Variants in ZNF727 observed in about 807,000 individuals in gnomAD.
The protein encoded by ZNF727 is putative zinc finger protein 727.
A neutral mutation model predicts 11.5 loss-of-function variants in ZNF727; 11 were observed. That is an observed-to-expected ratio of 0.95 (90% confidence interval 0.60 to 1.58). The LOEUF (loss-of-function observed/expected upper bound fraction) is 1.58. ZNF727 is among the 40% of genes most tolerant of loss of function. The probability of loss-of-function intolerance (pLI) is 0.00; values close to 1 mark genes in which losing one functional copy is unlikely to be tolerated. For synonymous variants in ZNF727, 171 were observed against 196.1 expected (o/e 0.87, Z 1.07); for missense variants, 533 against 581.7 (o/e 0.92, Z 0.86).
chr7:64,078,034 C>T lies in ZNF727; in HGVS notation c.985C>T (p.Gln329Ter), dbSNP rs750852517. ...TTTTATGTGGATCTCGGCCCTTAGT[C>T]AACATAACAGAATTCATACTGGAGA... ...KAFMWISALS[Q>*]HNRIHTGEKP... Residue 329 changes from glutamine to a stop codon, truncating the protein, a stop_gained, in exon 4 of 4, where the codon CAA becomes TAA. Coordinates refer to ENST00000456806, the MANE Select transcript of ZNF727 (RefSeq NM_001159522.3). LOFTEE classifies it low-confidence loss of function (END_TRUNC). 2 of 1,601,578 alleles carry T rather than the reference C, an allele frequency of 1.2e-6. No individual in the cohort carries two copies. Among genetic ancestry groups the T allele is most frequent in the South Asian group, 2.2e-5 (2 of 89,946 alleles).
intron 3 of ZNF727, among the ~76,000 whole-genome samples, chr7:64,075,519 A>G (rs1473699121): frequency 2.0e-5 from 3 of 152,062 alleles, no homozygotes; most frequent in Non-Finnish European, 4.4e-5. Flanking sequence ...TGGATAAAGA[A>G]TATGTGGTGC....
At position 64,082,880 on chromosome 7, in the gene ZNF727, C is replaced by CAAA. The variant is rs112686141; in HGVS notation, c.*4341_*4343dup. Among the ~76,000 whole-genome samples, 515 of 146,736 alleles carry CAAA rather than the reference C, an allele frequency of 3.5e-3. 1 individual carries two copies. The highest frequency in any genetic ancestry group is 0.019 in the East Asian group (95 of 4,966). ...CTGGTGAGAGAGCGAGACTCCGTCT[C>CAAA]AAAAAAAAAAAAGAAAGAATGCAGT... On this transcript the variant is annotated 3_prime_UTR_variant, in exon 4 of 4. Transcript: ENST00000456806.
rs755842172 is a variant in ZNF727, at chr7:64,078,476, G to A, written c.1427G>A (p.Gly476Glu). ...ATTAAACACAAGAGAAGTCATACTG[G>A]AGACAGACCTACAAGTGCAAAGAAT... ...SLIKHKRSHT[G>E]DRPTSAKNVA... Residue 476 changes from glycine (G) to glutamate (E), a missense_variant, in exon 4 of 4, where the codon GGA becomes GAA. Physicochemically the swap from Gly to Glu is moderately conservative, Grantham distance 98. Transcript: ENST00000456806. 3 of 1,566,890 alleles carry A rather than the reference G, an allele frequency of 1.9e-6. No individual in the cohort carries two copies. The Admixed American group carries it at 5.7e-5, about 30-fold the overall frequency.
chr7:64,077,323 A>T lies in ZNF727; in HGVS notation c.274A>T (p.Asn92Tyr). 1 of 1,550,622 alleles carries T rather than the reference A, an allele frequency of 6.4e-7. No individual in the cohort carries two copies. The highest frequency in any genetic ancestry group is 2.4e-5 in the East Asian group (1 of 40,888). ...AGAGATATTGCTGGAGCACGACATAAACGATTCATTTCAAAAAGTGATCCT... is the reference window on the plus strand; with the variant it reads ...AGAGATATTGCTGGAGCACGACATATACGATTCATTTCAAAAAGTGATCCT... ...TAEILLEHDI[N>Y]DSFQKVILRK... Residue 92 changes from asparagine (N) to tyrosine (Y), a missense_variant, in exon 4 of 4, where the codon AAC (asparagine) becomes TAC (tyrosine). By Grantham distance (143) the Asn-to-Tyr change is moderately radical. Coordinates refer to ENST00000456806, the MANE Select transcript of ZNF727 (RefSeq NM_001159522.3).
rs1300571320 is a variant in ZNF727 at position 64,082,480 on chromosome 7, T to C, written c.*3931T>C. 6.6e-6 allele frequency among the ~76,000 whole-genome samples: 1 copy of C among 152,032 alleles called. No individual in the cohort carries two copies. The highest frequency in any genetic ancestry group is 6.6e-5 in the Admixed American group (1 of 15,264). On this transcript the variant is annotated 3_prime_UTR_variant, in exon 4 of 4. Transcript: ENST00000456806. Reference sequence around the variant, plus strand: ...TTCTAAGAGCTCCATCTAAGGGAGGTATAGACCGGTTTCCAGCCCCAAAGC... The same window carrying C: ...TTCTAAGAGCTCCATCTAAGGGAGGCATAGACCGGTTTCCAGCCCCAAAGC...
intron 1 of ZNF727, among the ~76,000 whole-genome samples, chr7:64,067,345 G>C (rs1789884824): frequency 6.6e-6 from 1 of 152,032 alleles, no homozygotes; most frequent in African/African-American, 2.4e-5. Flanking sequence ...ATTCCTCAAG[G>C]GTATAGAACC....
At chr7:64,047,735 C>G (rs1789531121) in intron 1 of ZNF727, among the ~76,000 whole-genome samples, 1 of 109,512 alleles carries the variant, frequency 9.1e-6, no homozygotes, top group Non-Finnish European at 2.0e-5. Flanking sequence ...AAGCTAACTG[C>G]TTTAACATTA....
chr7:64,073,011 A>C (rs1251872606), intron 3 of ZNF727, among the ~76,000 whole-genome samples: 1 of 152,120 alleles, frequency 6.6e-6, no homozygotes, highest in African/African-American at 2.4e-5. Flanking sequence ...TCTATTTCTT[A>C]TAAGACTGTT....
chr7:64,055,577 C>T (rs1789671948), intron 1 of ZNF727, among the ~76,000 whole-genome samples: 1 of 152,184 alleles, frequency 6.6e-6, no homozygotes, highest in Non-Finnish European at 1.5e-5. Context: ...CTTTCCTTCT[C>T]TCTGAATTCT....
chr7:64,051,578 G>A (rs974166363), intron 1 of ZNF727, among the ~76,000 whole-genome samples: 3 of 152,124 alleles, frequency 2.0e-5, no homozygotes, highest in Admixed American at 6.5e-5. Context: ...TGTGGGTAAT[G>A]TTTTTTGCCT....
rs774382354 is a variant in ZNF727, at chr7:64,068,892, G to T, written c.5G>T (p.Arg2Leu). 1.9e-6 allele frequency: 3 copies of T among 1,592,258 alleles called. No homozygotes were observed. The highest frequency in any genetic ancestry group is 2.6e-6 in the Non-Finnish European group (3 of 1,168,556). Residue 2 changes from arginine (R) to leucine (L), a missense_variant and splice_region_variant, in exon 2 of 4, where the codon CGA (arginine) becomes CTA (leucine). By Grantham distance (102) the Arg-to-Leu change is moderately radical. Around this residue, in one of 3 missense-constraint regions of ZNF727, gnomAD observed 463 missense variants for 494.5 expected, o/e 0.94. Coordinates refer to ENST00000456806, the MANE Select transcript of ZNF727 (RefSeq NM_001159522.3). The stretch of plus-strand genomic sequence containing the variant: ...TGGTAAATATGTTTTGTTTTTCAGC[G>T]AGTGCTAACATTCAGGGATGTGGCT... MRVLTFRDVAVE... is the reference protein window; with the variant it reads MLVLTFRDVAVE...
In ZNF727 at chr7:64,077,757, A is replaced by G. The variant is rs1237627760; in HGVS notation, c.708A>G (p.Thr236=). 1.9e-6 allele frequency: 3 copies of G among 1,581,062 alleles called. No homozygotes were observed. In the South Asian group the frequency reaches 3.4e-5, roughly 18 times the overall value. ...KPYKCEECGK[T]FTCSSALTKH... Reference sequence around the variant, plus strand: ...ACAAATGTGAAGAATGTGGCAAAACATTTACCTGTTCCTCAGCCCTTACTA... The same window carrying G: ...ACAAATGTGAAGAATGTGGCAAAACGTTTACCTGTTCCTCAGCCCTTACTA... The change falls in exon 4 of 4, where the codon ACA becomes ACG. Residue 236 remains threonine, a synonymous_variant. Coordinates refer to ENST00000456806, the MANE Select transcript of ZNF727 (RefSeq NM_001159522.3).
rs1785706542 is a variant in ZNF727 at position 64,077,844 on chromosome 7, T to C, written c.795T>C (p.Phe265=). The change falls in exon 4 of 4, where the codon TTT becomes TTC. Residue 265 remains phenylalanine, a synonymous_variant. Coordinates refer to ENST00000456806, the MANE Select transcript of ZNF727 (RefSeq NM_001159522.3). ...PYKCEECHKA[F]RCCSDLTKHK... The stretch of plus-strand genomic sequence containing the variant: ...AATGCGAAGAATGTCACAAAGCCTT[T>C]AGGTGTTGCTCAGACCTTACTAAAC... 6.4e-7 allele frequency: 1 copy of C among 1,564,076 alleles called. No individual in the cohort carries two copies. Among genetic ancestry groups the C allele is most frequent in the Non-Finnish European group, 8.7e-7 (1 of 1,154,086 alleles).
chr7:64,048,111 GAATAT>G (rs1789536689), intron 1 of ZNF727, among the ~76,000 whole-genome samples: 1 of 152,016 alleles, frequency 6.6e-6, no homozygotes, highest in Non-Finnish European at 1.5e-5. Context: ...TTGTTGCCTT[GAATAT>G]ATATGTTCAG....
At position 64,078,171 on chromosome 7, in the gene ZNF727, C is replaced by T; in HGVS notation, c.1122C>T (p.Gly374=). The T allele has an allele frequency of 3.1e-6, 5 of 1,595,966 alleles. No homozygotes were observed. The highest frequency in any genetic ancestry group is 4.3e-6 in the Non-Finnish European group (5 of 1,170,628). ...GACCTTACAAATGTGAAGAATGTGG[C>T]AAAACCTTTAAGTGGTTCTCAGACC... ...ELRPYKCEEC[G]KTFKWFSDLT... Residue 374 remains glycine (G), a synonymous_variant, in exon 4 of 4, where the codon GGC becomes GGT. Transcript: ENST00000456806.
At chr7:64,057,255 T>G (rs1183051757) in intron 1 of ZNF727, among the ~76,000 whole-genome samples, 1 of 152,160 alleles carries the variant, frequency 6.6e-6, no homozygotes, top group Non-Finnish European at 1.5e-5. Context: ...TATACTGTTT[T>G]AAAAAGTAAA....
intron 1 of ZNF727, among the ~76,000 whole-genome samples, chr7:64,049,249 A>C (rs1405042218): frequency 6.6e-6 from 1 of 151,944 alleles, no homozygotes; most frequent in Non-Finnish European, 1.5e-5. Context: ...AACCCCTTAA[A>C]ATTTTCTTTA....
chr7:64,062,038 T>C (rs963825831), intron 1 of ZNF727, among the ~76,000 whole-genome samples: 15 of 21,306 alleles, frequency 7.0e-4, no homozygotes, highest in African/African-American at 1.6e-3. Flanking sequence ...TTGTCGTTTC[T>C]ATTTATATCT....
chr7:64,079,805 T>C lies in ZNF727; in HGVS notation c.*1256T>C, dbSNP rs978948638. Among the ~76,000 whole-genome samples the C allele has an allele frequency of 2.0e-5, 3 of 152,198 alleles. No homozygotes were observed. Among genetic ancestry groups the C allele is most frequent in the Non-Finnish European group, 4.4e-5 (3 of 68,028 alleles). ...TTTTGTAGTGACTGTTTATAGTCTT[T>C]TTCTTATTTAGGGCTTTCTTCAGAA... On this transcript the variant is annotated 3_prime_UTR_variant, in exon 4 of 4. Coordinates refer to ENST00000456806, the MANE Select transcript of ZNF727 (RefSeq NM_001159522.3).
Sources: gnomAD v4.1 joint callset for allele counts (sites outside exome capture counted in the v4.1 genomes callset) on GRCh38, gnomAD v4.1.1 for gene constraint, gnomAD v4.1.1 regional missense constraint, MANE v1.5 for transcripts, NCBI Gene and HGNC (gene_info 2026-07-23, HGNC 2026-07-21) for gene names.